ADAMTS17: variants seen among roughly 807,000 people sequenced by gnomAD.
ADAMTS17 encodes ADAM metallopeptidase with thrombospondin type 1 motif 17.
A neutral mutation model predicts 141.5 loss-of-function variants in ADAMTS17; 113 were observed. The ratio of observed to expected loss-of-function variants is 0.80; its 90% CI spans 0.69 to 0.93. The LOEUF (loss-of-function observed/expected upper bound fraction) is 0.93, where lower values mean the gene tolerates loss of function less well. Among genes scored for constraint, ADAMTS17 ranks in the 40% least tolerant of loss-of-function variants. The pLI is 0.00. For synonymous variants in ADAMTS17, 768 were observed against 630.6 expected (o/e 1.22, Z -3.27); for missense variants, 1,659 against 1,517.9 (o/e 1.09, Z -1.54).
At chr15:100,038,761 TACAG>T (rs2030984995) in intron 18 of ADAMTS17, among the ~76,000 whole-genome samples, 2 of 152,252 alleles carry the variant, frequency 1.3e-5, no homozygotes, top group Non-Finnish European at 2.9e-5. Flanking sequence ...CATTTGTAAA[TACAG>T]ACAGTTTTAC....
chr15:100,019,300 G>A (rs2141436590), intron 18 of ADAMTS17, among the ~76,000 whole-genome samples: 1 of 152,294 alleles, frequency 6.6e-6, no homozygotes, highest in South Asian at 2.1e-4. Context: ...CAGGGGAAAG[G>A]AGGAGAACGG....
At chr15:100,226,375 G>T (rs4965601) in intron 7 of ADAMTS17, among the ~76,000 whole-genome samples, 22,581 of 152,256 alleles carry the variant, frequency 0.15, 1,871 homozygotes, top group Non-Finnish European at 0.19. Context: ...GGAAAAGGAG[G>T]CTTGGCCCTT....
chr15:100,122,551 C>A (rs1462983609), intron 12 of ADAMTS17, among the ~76,000 whole-genome samples: 1 of 152,190 alleles, frequency 6.6e-6, no homozygotes, highest in Non-Finnish European at 1.5e-5. Flanking sequence ...GCTGACCCCT[C>A]ACATGTAGTA....
At chr15:99,983,684 C>A (rs936070239) in intron 20 of ADAMTS17, among the ~76,000 whole-genome samples, 4 of 152,306 alleles carry the variant, frequency 2.6e-5, no homozygotes, top group Admixed American at 2.6e-4. Flanking sequence ...TGTCTCCCCG[C>A]ACTGGGTCTG....
chr15:100,128,440 T>C (rs2037860343), intron 12 of ADAMTS17: 1 of 152,092 alleles, frequency 6.6e-6, no homozygotes, highest in African/African-American at 2.4e-5. Context: ...ACAACAGAGA[T>C]TGGACGTGAA....
In ADAMTS17 at chr15:100,004,189, G is replaced by A. The variant is rs192159618; in HGVS notation, c.2592-6600C>T. On this transcript the variant is annotated intron_variant, in intron 18 of 21. Transcript: ENST00000268070. ...CACGTTCACACCTGCAGTGCAGGAGGAGCCGTCTACGGGGGTTGCTGTGTG... is the reference window on the plus strand; with the variant it reads ...CACGTTCACACCTGCAGTGCAGGAGAAGCCGTCTACGGGGGTTGCTGTGTG... Among the ~76,000 whole-genome samples, 179 of 152,380 alleles carry A rather than the reference G, an allele frequency of 1.2e-3. 3 individuals are homozygous for A. The highest frequency in any genetic ancestry group is 2.2e-3 in the Non-Finnish European group (147 of 68,044).
Position 100,199,417 on chromosome 15 carries a change from G to A in ADAMTS17, c.1082C>T (p.Ala361Val). 1 of 1,613,968 alleles carries A rather than the reference G, an allele frequency of 6.2e-7. No individual in the cohort carries two copies. The highest frequency in any genetic ancestry group is 1.1e-5 in the South Asian group (1 of 91,066). Residue 361 changes from alanine to valine, a missense_variant, in exon 8 of 22, where the codon GCT becomes GTT. Transcript: ENST00000268070. ...KDEPCDTVGI[A>V]YLGGVCSAKR... ...AGCACTGCACACACCTCCTAAGTAA[G>A]CAATTCCTGCAGCAGAGACACAAAA...
intron 12 of ADAMTS17, among the ~76,000 whole-genome samples, chr15:100,130,008 A>C (rs982762029): frequency 6.6e-6 from 1 of 152,068 alleles, no homozygotes; most frequent in Non-Finnish European, 1.5e-5. Context: ...ACCACCTATT[A>C]ATTTCCCACC....
intron 13 of ADAMTS17, among the ~76,000 whole-genome samples, chr15:100,109,542 G>A (rs1459234012): frequency 6.6e-6 from 1 of 152,020 alleles, no homozygotes; most frequent in Non-Finnish European, 1.5e-5. Flanking sequence ...CGGCCCCAAG[G>A]GTCACCATGA....
At chr15:100,243,305 C>G (rs201670171) in intron 7 of ADAMTS17, among the ~76,000 whole-genome samples, 2 of 152,318 alleles carry the variant, frequency 1.3e-5, no homozygotes, top group East Asian at 3.9e-4. Flanking sequence ...GTACAAATAT[C>G]TGAGTCCCTG....
chr15:100,292,143 C>CACGAGAGACGCTCACCCCGTGAGAAACT (rs2044650616), intron 3 of ADAMTS17, among the ~76,000 whole-genome samples: 1 of 131,868 alleles, frequency 7.6e-6, no homozygotes, highest in African/African-American at 3.0e-5. Flanking sequence ...CGTGGGGAGT[C>CACGAGAGACGCTCACCCCGTGAGAAACT]ACGAGACACG....
At chr15:99,988,180 G>A (rs117611424) in intron 20 of ADAMTS17, among the ~76,000 whole-genome samples, 2,479 of 152,074 alleles carry the variant, frequency 0.016, 106 homozygotes, top group Admixed American at 0.062. Flanking sequence ...ATCTCATGCC[G>A]AAATGTGTCC....
intron 18 of ADAMTS17, among the ~76,000 whole-genome samples, chr15:100,031,927 G>A (rs756936417): frequency 9.2e-5 from 14 of 152,110 alleles, no homozygotes; most frequent in Non-Finnish European, 1.3e-4. Flanking sequence ...TTGCCCTTAC[G>A]GGGAAGAGGA....
At chr15:100,279,145 G>A (rs2044200392) in intron 4 of ADAMTS17, among the ~76,000 whole-genome samples, 1 of 152,144 alleles carries the variant, frequency 6.6e-6, no homozygotes, top group Non-Finnish European at 1.5e-5. Context: ...AACACCGGAG[G>A]TCCCAGCAAC....
intron 10 of ADAMTS17, among the ~76,000 whole-genome samples, chr15:100,148,719 T>G (rs370514539): frequency 1.4e-4 from 21 of 152,182 alleles, no homozygotes; most frequent in African/African-American, 4.6e-4. Context: ...TTCTTCATGT[T>G]TCTTGTGAAT....
chr15:100,099,367 C>T (rs1014339062), intron 14 of ADAMTS17, among the ~76,000 whole-genome samples: 1 of 152,174 alleles, frequency 6.6e-6, no homozygotes, highest in African/African-American at 2.4e-5. Context: ...GCGCAAGCAA[C>T]TTATAATCTT....
At chr15:100,051,462 T>G in intron 17 of ADAMTS17, 110 bp downstream of exon 17, 1 of 1,483,422 alleles carries the variant, frequency 6.7e-7, no homozygotes, top group South Asian at 1.1e-5. Context: ...TAAATTCCCA[T>G]GGAGCTACAG....
At chr15:100,077,164 C>A (rs1034884499) in intron 15 of ADAMTS17, among the ~76,000 whole-genome samples, 7 of 151,548 alleles carry the variant, frequency 4.6e-5, no homozygotes, top group African/African-American at 1.5e-4. Context: ...AAAAATCAGA[C>A]TGGGCACACT....
At chr15:100,263,876 C>A (rs1329689346) in intron 4 of ADAMTS17, among the ~76,000 whole-genome samples, 1 of 152,194 alleles carries the variant, frequency 6.6e-6, no homozygotes, top group Admixed American at 6.5e-5. Flanking sequence ...CAGCAGCAAG[C>A]GTTAAGCACG....
Sources: gnomAD v4.1 joint callset for allele counts (sites outside exome capture counted in the v4.1 genomes callset) on GRCh38, gnomAD v4.1.1 for gene constraint, MANE v1.5 for transcripts, NCBI Gene and HGNC (gene_info 2026-07-23, HGNC 2026-07-21) for gene names.